The following RFX3 variants were observed in gnomAD, a reference collection of about 807,000 sequenced individuals.
RFX3 encodes the protein transcription factor RFX3.
In RFX3, 14 loss-of-function variants were observed where a neutral mutation model predicts 98.6. That is an observed-to-expected ratio of 0.14 (90% CI 0.09 to 0.22). The LOEUF (loss-of-function observed/expected upper bound fraction) is 0.22. Ranked by LOEUF, RFX3 falls within the 10% of genes least tolerant of loss-of-function variation. The pLI is 1.00. For missense variants in RFX3, 639 were observed against 926.9 expected (o/e 0.69, Z 4.03); for synonymous variants, 383 against 328.4 (o/e 1.17, Z -1.80).
At chr9:3,445,860 T>A (rs1475633994) in intron 1 of RFX3, among the ~76,000 whole-genome samples, 1 of 152,178 alleles carries the variant, frequency 6.6e-6, no homozygotes, top group Non-Finnish European at 1.5e-5. Flanking sequence ...CTTCTCTGCA[T>A]GCCCTGATTT....
rs191696789 is a variant in RFX3, at chr9:3,518,588, G to A, written c.-9+7159C>T. ...TTCCAGTTTGAGAAAGATTAGGACT[G>A]TTTATAGATCACTCTAAAATGAGAA... On this transcript the variant is annotated intron_variant, in intron 1 of 16. Coordinates refer to ENST00000617270, the MANE Select transcript of RFX3 (RefSeq NM_001282116.2). 2.0e-5 allele frequency among the ~76,000 whole-genome samples: 3 copies of A among 152,334 alleles called. 1 individual carries two copies. The highest frequency in any genetic ancestry group is 4.4e-5 in the Non-Finnish European group (3 of 68,018).
At position 3,501,263 on chromosome 9, in the gene RFX3, C is replaced by T. The variant is rs540402076; in HGVS notation, c.-9+24484G>A. On this transcript the variant is annotated intron_variant, in intron 1 of 16. Transcript: ENST00000617270. ...AATCAAAGATCCTCAGTAAATGTTG[C>T]CAAATAGAACAGATTTTTCTTAATT... Among the ~76,000 whole-genome samples, 152 of 152,102 alleles carry T rather than the reference C, an allele frequency of 1.0e-3. 1 individual carries two copies. The South Asian group carries it at 0.029, about 29-fold the overall frequency.
At chr9:3,260,193 AGGAAGAAG>A (rs1279420589) in intron 13 of RFX3, among the ~76,000 whole-genome samples, 2 of 152,102 alleles carry the variant, frequency 1.3e-5, no homozygotes, top group African/African-American at 4.8e-5. Flanking sequence ...CTCTGAAGAA[AGGAAGAAG>A]GTTTTGGAGG....
intron 4 of RFX3, among the ~76,000 whole-genome samples, chr9:3,327,107 T>C (rs1336646797): frequency 6.6e-6 from 1 of 152,134 alleles, no homozygotes; most frequent in African/African-American, 2.4e-5. Context: ...CTTTAAAGAT[T>C]GTGTTCATAT....
chr9:3,375,867 G>A (rs1838416698), intron 2 of RFX3, among the ~76,000 whole-genome samples: 2 of 152,162 alleles, frequency 1.3e-5, no homozygotes, highest in Non-Finnish European at 2.9e-5. Context: ...GGCTGAGGCA[G>A]GTGAATCGCT....
intron 1 of RFX3, among the ~76,000 whole-genome samples, chr9:3,464,092 G>T (rs1847973154): frequency 6.6e-6 from 1 of 152,124 alleles, no homozygotes; most frequent in Non-Finnish European, 1.5e-5. Context: ...ACTGTAATGA[G>T]TTACCATTAC....
intron 6 of RFX3, among the ~76,000 whole-genome samples, chr9:3,292,451 C>T (rs1309100442): frequency 6.6e-6 from 1 of 152,072 alleles, no homozygotes; most frequent in Non-Finnish European, 1.5e-5. Context: ...TCCACATACA[C>T]ATGGTTTCAT....
chr9:3,457,165 A>G (rs1396035750), intron 1 of RFX3, among the ~76,000 whole-genome samples: 2 of 148,736 alleles, frequency 1.3e-5, no homozygotes, highest in Non-Finnish European at 3.0e-5. Flanking sequence ...AAAAAAAAAA[A>G]AAAAAGAAAA....
chr9:3,228,045 T>C (rs1817993491), intron 16 of RFX3, among the ~76,000 whole-genome samples: 1 of 152,204 alleles, frequency 6.6e-6, no homozygotes, highest in African/African-American at 2.4e-5. Context: ...AACAATTCTT[T>C]AACACCTCAA....
chr9:3,395,992 C>G (rs979939508), intron 1 of RFX3, among the ~76,000 whole-genome samples: 1 of 151,876 alleles, frequency 6.6e-6, no homozygotes, highest in Non-Finnish European at 1.5e-5. Flanking sequence ...TTTCTTGACA[C>G]TTTTATAGGC....
intron 6 of RFX3, among the ~76,000 whole-genome samples, chr9:3,291,904 A>G (rs773464962): frequency 1.6e-4 from 24 of 151,792 alleles, no homozygotes; most frequent in Non-Finnish European, 2.8e-4. Context: ...TAAAAATACA[A>G]TAATTAGCTG....
chr9:3,347,798 C>T (rs1317645220), intron 2 of RFX3, among the ~76,000 whole-genome samples: 1 of 152,070 alleles, frequency 6.6e-6, no homozygotes, highest in Non-Finnish European at 1.5e-5. Context: ...TGCACTCCAG[C>T]CTGGGCAACA....
At chr9:3,235,396 C>T (rs1205308786) in intron 15 of RFX3, among the ~76,000 whole-genome samples, 1 of 152,108 alleles carries the variant, frequency 6.6e-6, no homozygotes, top group Non-Finnish European at 1.5e-5. Flanking sequence ...ACCTATAATC[C>T]GTAAGTCTTC....
At chr9:3,304,397 A>C (rs1043525066) in intron 4 of RFX3, among the ~76,000 whole-genome samples, 1 of 151,964 alleles carries the variant, frequency 6.6e-6, no homozygotes, top group Admixed American at 6.6e-5. Flanking sequence ...TGATTACAAA[A>C]ATTTTTCATA....
intron 16 of RFX3, 68 bp from the exon 17 acceptor site, chr9:3,225,348 T>A: frequency 6.3e-7 from 1 of 1,581,276 alleles, no homozygotes; most frequent in Non-Finnish European, 8.6e-7. Flanking sequence ...AACAGGTGCT[T>A]TAGAAACACT....
At chr9:3,517,420 C>G (rs1818288542) in intron 1 of RFX3, among the ~76,000 whole-genome samples, 1 of 152,100 alleles carries the variant, frequency 6.6e-6, no homozygotes, top group African/African-American at 2.4e-5. Flanking sequence ...CTCCTCTTAC[C>G]AACTAACACA....
chr9:3,299,285 T>C (rs1695845264), intron 5 of RFX3, among the ~76,000 whole-genome samples: 1 of 151,770 alleles, frequency 6.6e-6, no homozygotes, highest in African/African-American at 2.4e-5. Flanking sequence ...CAAATTCCAG[T>C]TGTTTTTGAT....
At chr9:3,321,966 C>A (rs986732213) in intron 4 of RFX3, among the ~76,000 whole-genome samples, 1 of 152,012 alleles carries the variant, frequency 6.6e-6, no homozygotes, top group Non-Finnish European at 1.5e-5. Flanking sequence ...CCTACTTGGT[C>A]TCTAGTCTTT....
chr9:3,273,407 T>C (rs1290985030), intron 9 of RFX3, among the ~76,000 whole-genome samples: 1 of 152,210 alleles, frequency 6.6e-6, no homozygotes, highest in Non-Finnish European at 1.5e-5. Context: ...ATAAAAAGTA[T>C]ATTTTTGAAA....
Sources: gnomAD v4.1 joint callset for allele counts (sites outside exome capture counted in the v4.1 genomes callset) on GRCh38, gnomAD v4.1.1 for gene constraint, MANE v1.5 for transcripts, NCBI Gene and HGNC (gene_info 2026-07-23, HGNC 2026-07-21) for gene names.